CTIF: variants seen among roughly 807,000 people sequenced by gnomAD.
CTIF encodes CBP80/20-dependent translation initiation factor.
A neutral mutation model predicts 66.0 loss-of-function variants in CTIF; 21 were observed. The ratio of observed to expected loss-of-function variants is 0.32; its 90% CI spans 0.23 to 0.46. The LOEUF (loss-of-function observed/expected upper bound fraction) is 0.46. Ranked by LOEUF, CTIF falls within the 20% of genes least tolerant of loss-of-function variation. CTIF has a pLI of 1.00. For synonymous variants in CTIF, 345 were observed against 326.4 expected (o/e 1.06, Z -0.62); for missense variants, 739 against 812.7 (o/e 0.91, Z 1.10).
chr18:48,840,115 T>C (rs1354617816), intron 10 of CTIF, among the ~76,000 whole-genome samples: 2 of 152,204 alleles, frequency 1.3e-5, no homozygotes, highest in Non-Finnish European at 2.9e-5. Context: ...TGGATGAGGC[T>C]CTTACCATTG....
At chr18:48,695,767 C>T (rs1323238248) in intron 6 of CTIF, among the ~76,000 whole-genome samples, 1 of 152,206 alleles carries the variant, frequency 6.6e-6, no homozygotes, top group African/African-American at 2.4e-5. Flanking sequence ...TCATTTGGCT[C>T]CTTCTATGGC....
At position 48,575,112 on chromosome 18, in the gene CTIF, G is replaced by T. The variant is rs182528264; in HGVS notation, c.-29+35800G>T. On this transcript the variant is annotated intron_variant, in intron 1 of 11. Coordinates refer to ENST00000256413, the MANE Select transcript of CTIF (RefSeq NM_014772.3). ...CTGGGGGCAGGGTCCAGGGTGCAGGGGAAAGGTCCCAGCTTCCCCTTTTGA... is the reference window on the plus strand; with the variant it reads ...CTGGGGGCAGGGTCCAGGGTGCAGGTGAAAGGTCCCAGCTTCCCCTTTTGA... Among the ~76,000 whole-genome samples the T allele has an allele frequency of 7.9e-5, 12 of 152,344 alleles. No individual in the cohort carries two copies. In the East Asian group the frequency reaches 2.3e-3, roughly 29 times the overall value.
chr18:48,648,322 C>A (rs1385527029), intron 3 of CTIF, among the ~76,000 whole-genome samples: 1 of 152,142 alleles, frequency 6.6e-6, no homozygotes, highest in African/African-American at 2.4e-5. Flanking sequence ...AAAGGAATGG[C>A]CTTTCCCTCT....
chr18:48,621,925 C>T (rs905576067), intron 2 of CTIF, among the ~76,000 whole-genome samples: 2 of 152,204 alleles, frequency 1.3e-5, no homozygotes, highest in African/African-American at 4.8e-5. Context: ...CAGCCCCCAG[C>T]GGTTCATCCA....
chr18:48,670,782 A>AC (rs747349933), intron 6 of CTIF, 38 bp downstream of exon 6: 1 of 1,529,152 alleles, frequency 6.5e-7, no homozygotes, highest in South Asian at 1.1e-5. Context: ...GCCCACCCCC[A>AC]CCCCTGGAGT....
chr18:48,578,643 A>G (rs2089587737), intron 1 of CTIF, among the ~76,000 whole-genome samples: 1 of 152,158 alleles, frequency 6.6e-6, no homozygotes, highest in South Asian at 2.1e-4. Flanking sequence ...ATCCAAGTGT[A>G]TATCTTTGGA....
intron 6 of CTIF, among the ~76,000 whole-genome samples, chr18:48,707,519 T>C (rs1400796859): frequency 6.6e-6 from 1 of 151,976 alleles, no homozygotes; most frequent in East Asian, 1.9e-4. Context: ...GATCTTCTCT[T>C]CTTCTCCTCC....
intron 1 of CTIF, among the ~76,000 whole-genome samples, chr18:48,590,905 A>G (rs1228255304): frequency 2.0e-5 from 3 of 152,058 alleles, no homozygotes; most frequent in African/African-American, 7.3e-5. Flanking sequence ...AACTTGGACA[A>G]CAGCCATGGA....
chr18:48,757,042 G>A (rs1908433490), intron 7 of CTIF, among the ~76,000 whole-genome samples: 1 of 152,090 alleles, frequency 6.6e-6, no homozygotes, highest in Non-Finnish European at 1.5e-5. Flanking sequence ...TTTCTTCTGA[G>A]GCCTGTCTCC....
At chr18:48,780,008 C>T (rs1340155120) in intron 9 of CTIF, among the ~76,000 whole-genome samples, 2 of 152,144 alleles carry the variant, frequency 1.3e-5, no homozygotes, top group Non-Finnish European at 2.9e-5. Flanking sequence ...ATGACAGGTT[C>T]CAGCAGCAGA....
chr18:48,551,202 C>T (rs997732191), intron 1 of CTIF, among the ~76,000 whole-genome samples: 12 of 151,306 alleles, frequency 7.9e-5, no homozygotes, highest in East Asian at 1.9e-4. Context: ...GAGGATGCAA[C>T]GAGAAGGCAG....
At chr18:48,577,722 A>G (rs941510278) in intron 1 of CTIF, among the ~76,000 whole-genome samples, 1 of 152,092 alleles carries the variant, frequency 6.6e-6, no homozygotes, top group Non-Finnish European at 1.5e-5. Context: ...ACAGGTACAC[A>G]CCACCATGCC....
At position 48,761,284 on chromosome 18, in the gene CTIF, G is replaced by A; in HGVS notation, c.1072-106G>A. The stretch of plus-strand genomic sequence containing the variant: ...CCAGCCCTCAGATCCAGGGAAGTAG[G>A]CCTGGTCCTGCTTTCTGGGGGTGGC... On this transcript the variant is annotated intron_variant, in intron 8 of 11. Transcript: ENST00000256413. The surrounding 1 kb of genome is among the most constrained non-coding windows in gnomAD (Gnocchi z 4.2). 4 of 1,066,330 alleles carry A rather than the reference G, an allele frequency of 3.8e-6. No individual in the cohort carries two copies. The highest frequency in any genetic ancestry group is 5.4e-6 in the Non-Finnish European group (4 of 734,028). 66.1% of individuals were successfully genotyped at this position (1,066,330 alleles called of 1,614,324 possible). A position where few individuals can be genotyped will look rare whatever the true frequency, so the allele number is the denominator to read the frequency against.
At chr18:48,549,124 C>T (rs763979904) in intron 1 of CTIF, among the ~76,000 whole-genome samples, 22 of 152,254 alleles carry the variant, frequency 1.4e-4, no homozygotes, top group Non-Finnish European at 2.9e-4. Flanking sequence ...TTATCAGACA[C>T]TGTTATCAGT....
chr18:48,697,082 C>G (rs1030888667), intron 6 of CTIF, among the ~76,000 whole-genome samples: 1 of 152,246 alleles, frequency 6.6e-6, no homozygotes, highest in South Asian at 2.1e-4. Flanking sequence ...TTAAAGGCCA[C>G]AGACCCCTGG....
chr18:48,816,834 G>A (rs1249951170), intron 9 of CTIF, among the ~76,000 whole-genome samples: 1 of 152,206 alleles, frequency 6.6e-6, no homozygotes, highest in Non-Finnish European at 1.5e-5. Flanking sequence ...ATGACTTGGG[G>A]GTTAGCAAAG....
At chr18:48,544,074 CG>C (rs1275338870) in intron 1 of CTIF, among the ~76,000 whole-genome samples, 3 of 152,106 alleles carry the variant, frequency 2.0e-5, no homozygotes, top group African/African-American at 7.2e-5. Flanking sequence ...AGCTGGGATG[CG>C]TGTGTACTTT....
intron 10 of CTIF, among the ~76,000 whole-genome samples, chr18:48,819,510 G>A (rs112863615): frequency 0.025 from 3,862 of 152,216 alleles, 156 homozygotes; most frequent in African/African-American, 0.088. Context: ...GTAGCCGAGC[G>A]CCGGCCCTGG....
chr18:48,700,539 A>C (rs1285823341), intron 6 of CTIF, among the ~76,000 whole-genome samples: 1 of 152,216 alleles, frequency 6.6e-6, no homozygotes, highest in Non-Finnish European at 1.5e-5. Flanking sequence ...TGGTTTAGGC[A>C]GGGGCTCCCT....
Sources: allele counts gnomAD v4.1 joint callset (sites outside exome capture counted in the v4.1 genomes callset), GRCh38; gene constraint gnomAD v4.1.1; non-coding constraint Gnocchi (gnomAD v3.1); transcripts MANE v1.5; gene names NCBI Gene and HGNC (gene_info 2026-07-23, HGNC 2026-07-21).